Variants in ABCG1 observed in about 807,000 individuals in gnomAD.
ABCG1 encodes the protein ATP-binding cassette sub-family G member 1.
ABCG1 carries 29 observed loss-of-function variants against 69.2 expected under a neutral mutation model. The ratio of observed to expected loss-of-function variants is 0.42; its 90% CI spans 0.31 to 0.57. ABCG1 has a LOEUF of 0.57. Among genes scored for constraint, ABCG1 ranks in the 20% least tolerant of loss-of-function variants. The pLI, the probability that ABCG1 is intolerant of heterozygous loss-of-function variation, is 0.15. For missense variants in ABCG1, 718 were observed against 898.1 expected (o/e 0.80, Z 2.56); for synonymous variants, 370 against 374.8 (o/e 0.99, Z 0.15).
At chr21:42,249,708 A>G (rs2068188588) in intron 2 of ABCG1, among the ~76,000 whole-genome samples, 1 of 152,112 alleles carries the variant, frequency 6.6e-6, no homozygotes. Flanking sequence ...TGGAGCTGTA[A>G]AGAAGTGAGA....
chr21:42,225,970 A>G (rs561466660), intron 2 of ABCG1, 56 bp downstream of exon 2: 2 of 1,583,086 alleles, frequency 1.3e-6, no homozygotes, highest in East Asian at 2.3e-5. Context: ...GAAGGAGGCA[A>G]CAGGTTGTTT....
At chr21:42,294,492 G>A (rs1416688887) in intron 13 of ABCG1, 50 bp from the exon 14 acceptor site, 3 of 1,487,346 alleles carry the variant, frequency 2.0e-6, no homozygotes, top group South Asian at 2.3e-5. Context: ...CTCTGCAGGA[G>A]GCCAGGCTGC....
chr21:42,281,601 GT>G (rs2068809400), intron 5 of ABCG1, among the ~76,000 whole-genome samples: 1 of 152,186 alleles, frequency 6.6e-6, no homozygotes, highest in African/African-American at 2.4e-5. Flanking sequence ...CTGCAGATCT[GT>G]TTCGTTGCCT....
chr21:42,267,653 G>T (rs1169368079), intron 2 of ABCG1, among the ~76,000 whole-genome samples: 1 of 150,688 alleles, frequency 6.6e-6, no homozygotes, highest in Non-Finnish European at 1.5e-5. Flanking sequence ...GGTTCTGTCT[G>T]GGTCTGGTCT....
chr21:42,203,314 A>C (rs944411990), intron 2 of ABCG1, among the ~76,000 whole-genome samples: 1 of 152,050 alleles, frequency 6.6e-6, no homozygotes, highest in Non-Finnish European at 1.5e-5. Context: ...TTTCATTTTG[A>C]TGTAGTCCCG....
At chr21:42,256,704 G>A (rs769485683) in intron 2 of ABCG1, 4 of 1,423,680 alleles carry the variant, frequency 2.8e-6, no homozygotes, top group Non-Finnish European at 3.7e-6. Flanking sequence ...TGCATTCAGA[G>A]GGATCTGGGA....
chr21:42,234,372 G>C (rs1302882760), intron 2 of ABCG1, among the ~76,000 whole-genome samples: 2 of 152,198 alleles, frequency 1.3e-5, no homozygotes, highest in African/African-American at 4.8e-5. Flanking sequence ...CCCAAACCCT[G>C]CTGACAATGA....
At chr21:42,228,450 G>T (rs2067852415) in intron 2 of ABCG1, among the ~76,000 whole-genome samples, 1 of 152,150 alleles carries the variant, frequency 6.6e-6, no homozygotes, top group African/African-American at 2.4e-5. Context: ...TCCCCTGCCT[G>T]CCCCATCCTT....
In ABCG1 at chr21:42,296,364, T is replaced by C; in HGVS notation, c.1973T>C (p.Leu658Pro). 6.2e-7 allele frequency: 1 copy of C among 1,614,008 alleles called. No homozygotes were observed. Among genetic ancestry groups the C allele is most frequent in the Non-Finnish European group, 8.5e-7 (1 of 1,179,996 alleles). ...ISLRLIAYFV[L>P]RYKIRAER ...CTCCGCCTCATTGCCTATTTTGTCC[T>C]CAGGTACAAAATCCGGGCAGAGAGG... The change falls in exon 15 of 15, where the codon CTC (leucine) becomes CCC (proline). Residue 658 changes from leucine to proline, a missense_variant. Physicochemically the swap from Leu to Pro is moderately conservative, Grantham distance 98. Transcript: ENST00000398449. The surrounding 1 kb of genome is among the most constrained non-coding windows in gnomAD (Gnocchi z 5.4).
chr21:42,235,233 G>T lies in ABCG1; in HGVS notation c.286+9319G>T, dbSNP rs373229746. ...GCCTGCGCTCCATTCAGGCTTGAGC[G>T]GTGACTGGGAGACCCCGGGAATGGA... On this transcript the variant is annotated intron_variant, in intron 2 of 14. Transcript: ENST00000398449. Among the ~76,000 whole-genome samples, 874 of 152,322 alleles carry T rather than the reference G, an allele frequency of 5.7e-3. 10 individuals are homozygous for T. The highest frequency in any genetic ancestry group is 0.01 in the Non-Finnish European group (703 of 68,038).
intron 2 of ABCG1, among the ~76,000 whole-genome samples, chr21:42,210,959 C>CTTCTTCTTTTT (rs772743532): frequency 9.5e-5 from 13 of 137,380 alleles, no homozygotes; most frequent in African/African-American, 3.5e-4. Context: ...TTTCTTTCTT[C>CTTCTTCTTTTT]TTTTTTTTTT....
At position 42,273,577 on chromosome 21, in the gene ABCG1, T is replaced by G; in HGVS notation, c.537+142T>G. On this transcript the variant is annotated intron_variant, in intron 4 of 14. Coordinates refer to ENST00000398449, the MANE Select transcript of ABCG1 (RefSeq NM_016818.3). The surrounding 1 kb of genome is among the most constrained non-coding windows in gnomAD (Gnocchi z 5.3). Reference sequence around the variant, plus strand: ...GCCTGCACAGGGCCAGCAACCTCCCTCTAGCGGAGTTCTAACACCAGACTC... The same window carrying G: ...GCCTGCACAGGGCCAGCAACCTCCCGCTAGCGGAGTTCTAACACCAGACTC... 1 of 928,320 alleles carries G rather than the reference T, an allele frequency of 1.1e-6. No homozygotes were observed. The highest frequency in any genetic ancestry group is 1.6e-6 in the Non-Finnish European group (1 of 638,746). The allele number at this position is 928,320 out of a possible 1,614,324, so 57.5% of individuals were successfully genotyped here. A position where few individuals can be genotyped will look rare whatever the true frequency, so the allele number is the denominator to read the frequency against.
chr21:42,288,639 C>T lies in ABCG1; in HGVS notation c.1224+327C>T, dbSNP rs540313197. Among the ~76,000 whole-genome samples the T allele has an allele frequency of 1.4e-4, 21 of 151,860 alleles. No individual in the cohort carries two copies. The highest frequency in any genetic ancestry group is 6.8e-3 in the Middle Eastern group (2 of 294). ...GGAGAACTGCTTGAACCCAGGGGGGCGGAGATTGCAGTGAGCCGAGATTGC... is the reference window on the plus strand; with the variant it reads ...GGAGAACTGCTTGAACCCAGGGGGGTGGAGATTGCAGTGAGCCGAGATTGC... On this transcript the variant is annotated intron_variant, in intron 10 of 14. Transcript: ENST00000398449. This position sits in a 1 kb window ranked among gnomAD's most constrained non-coding sequence, Gnocchi z 4.8.
chr21:42,293,912 G>A (rs980933967), intron 13 of ABCG1, among the ~76,000 whole-genome samples: 6 of 130,238 alleles, frequency 4.6e-5, no homozygotes, highest in South Asian at 2.6e-4. Flanking sequence ...ACCACACACC[G>A]CAGACACCAC....
chr21:42,259,408 A>C, intron 2 of ABCG1: 1 of 1,550,094 alleles, frequency 6.5e-7, no homozygotes, highest in Non-Finnish European at 8.7e-7. Flanking sequence ...AAAATCGAAA[A>C]TGTCTGTGAT....
intron 2 of ABCG1, among the ~76,000 whole-genome samples, chr21:42,251,297 C>T (rs939510226): frequency 5.9e-5 from 9 of 152,166 alleles, no homozygotes; most frequent in African/African-American, 9.7e-5. Flanking sequence ...AACCGGGTGG[C>T]AAATGCTTCA....
intron 2 of ABCG1, among the ~76,000 whole-genome samples, chr21:42,201,978 G>T (rs1001962597): frequency 2.6e-5 from 4 of 152,144 alleles, no homozygotes; most frequent in African/African-American, 9.7e-5. Context: ...CTCTGCCCTT[G>T]TCCCCCAAAC....
At chr21:42,261,269 G>A (rs375218635) in intron 2 of ABCG1, among the ~76,000 whole-genome samples, 3 of 150,496 alleles carry the variant, frequency 2.0e-5, no homozygotes, top group Non-Finnish European at 3.0e-5. Context: ...TTTACTAAAC[G>A]GAGGCATTTG....
At chr21:42,202,210 C>T (rs1412098176) in intron 2 of ABCG1, among the ~76,000 whole-genome samples, 1 of 152,198 alleles carries the variant, frequency 6.6e-6, no homozygotes, top group Non-Finnish European at 1.5e-5. Flanking sequence ...ACCCCTCTGA[C>T]TCCCCTCACC....
Sources: gnomAD v4.1 joint callset for allele counts (sites outside exome capture counted in the v4.1 genomes callset) on GRCh38, gnomAD v4.1.1 for gene constraint, Gnocchi (gnomAD v3.1) non-coding constraint, MANE v1.5 for transcripts, NCBI Gene and HGNC (gene_info 2026-07-23, HGNC 2026-07-21) for gene names.